KCTD8: variants seen among roughly 807,000 people sequenced by gnomAD.
The protein encoded by KCTD8 is potassium channel tetramerization domain containing 8, also known as BTB/POZ domain-containing protein KCTD8.
In KCTD8, 27 loss-of-function variants were observed where a neutral mutation model predicts 31.5. The ratio of observed to expected loss-of-function variants is 0.86; its 90% CI spans 0.63 to 1.18. The LOEUF is 1.18. Among genes scored for constraint, KCTD8 ranks in the 50% most tolerant of loss-of-function variants. The probability of loss-of-function intolerance (pLI) is 0.00; values close to 1 mark genes in which losing one functional copy is unlikely to be tolerated. For missense variants in KCTD8, 658 were observed against 647.7 expected (o/e 1.02, Z -0.17); for synonymous variants, 290 against 280.0 (o/e 1.04, Z -0.36).
chr4:44,413,439 T>C (rs571345569), intron 1 of KCTD8, among the ~76,000 whole-genome samples: 2 of 152,260 alleles, frequency 1.3e-5, no homozygotes, highest in East Asian at 3.9e-4. Context: ...ATGGCCTACA[T>C]CCCTGTTATC....
intron 1 of KCTD8, among the ~76,000 whole-genome samples, chr4:44,319,232 G>A (rs1272002035): frequency 6.6e-6 from 1 of 152,154 alleles, no homozygotes; most frequent in Non-Finnish European, 1.5e-5. Flanking sequence ...AGGTATCATT[G>A]TTTTGTAGTG....
chr4:44,202,890 G>C (rs923547968), intron 1 of KCTD8, among the ~76,000 whole-genome samples: 18 of 152,172 alleles, frequency 1.2e-4, no homozygotes, highest in Admixed American at 1.2e-3. Context: ...TCTTTAGTTA[G>C]AGCAGTATTA....
At chr4:44,203,444 C>A (rs1304679622) in intron 1 of KCTD8, among the ~76,000 whole-genome samples, 1 of 146,312 alleles carries the variant, frequency 6.8e-6, no homozygotes, top group Non-Finnish European at 1.5e-5. Flanking sequence ...AAGCCAAGAT[C>A]GTGCCATTGT....
rs955489221 is a variant in KCTD8 at position 44,447,730 on chromosome 4, T to A, written c.794A>T (p.Tyr265Phe). The change falls in exon 1 of 2, where the codon TAC becomes TTC. Residue 265 changes from tyrosine (Y) to phenylalanine (F), a missense_variant. Physicochemically the swap from Tyr to Phe is conservative, Grantham distance 22 (BLOSUM62 3). Coordinates refer to ENST00000360029, the MANE Select transcript of KCTD8 (RefSeq NM_198353.3). ...SRDPDRQPEKYTSRFYLKFTY... is the reference protein window; with the variant it reads ...SRDPDRQPEKFTSRFYLKFTY... ...GAACTTGAGGTAGAAGCGGGACGTG[T>A]ACTTCTCCGGCTGCCGGTCGGGGTC... 65 of 1,612,466 alleles carry A rather than the reference T, an allele frequency of 4.0e-5. No homozygotes were observed. Among genetic ancestry groups the A allele is most frequent in the Non-Finnish European group, 5.5e-5 (65 of 1,179,494 alleles).
At chr4:44,232,062 A>G (rs991258750) in intron 1 of KCTD8, among the ~76,000 whole-genome samples, 1 of 152,192 alleles carries the variant, frequency 6.6e-6, no homozygotes, top group African/African-American at 2.4e-5. Flanking sequence ...GGGATGTTTG[A>G]TAATATGCAA....
intron 1 of KCTD8, among the ~76,000 whole-genome samples, chr4:44,197,192 GC>G (rs1412626636): frequency 6.6e-6 from 1 of 152,080 alleles, no homozygotes; most frequent in Admixed American, 6.6e-5. Flanking sequence ...AGGAGAGAAG[GC>G]CCCACTCTCA....
chr4:44,227,214 G>T (rs1460242990), intron 1 of KCTD8, among the ~76,000 whole-genome samples: 1 of 152,136 alleles, frequency 6.6e-6, no homozygotes, highest in Non-Finnish European at 1.5e-5. Context: ...GTTAATTTTT[G>T]TATAAGGTAT....
chr4:44,309,291 G>A (rs1030226497), intron 1 of KCTD8, among the ~76,000 whole-genome samples: 3 of 151,670 alleles, frequency 2.0e-5, no homozygotes, highest in South Asian at 2.1e-4. Flanking sequence ...TGCCCACCTC[G>A]GCCTCTCAAA....
chr4:44,311,687 G>A (rs1164529855), intron 1 of KCTD8, among the ~76,000 whole-genome samples: 5 of 151,912 alleles, frequency 3.3e-5, no homozygotes, highest in Non-Finnish European at 2.9e-5. Context: ...AATAACAAAT[G>A]GTCTTTATAG....
intron 1 of KCTD8, among the ~76,000 whole-genome samples, chr4:44,291,901 GA>G (rs1475014578): frequency 1.5e-5 from 2 of 131,680 alleles, no homozygotes; most frequent in Admixed American, 9.1e-5. Context: ...GATCATCAGA[GA>G]AATGCAAATG....
chr4:44,427,717 A>C (rs1200984787), intron 1 of KCTD8, among the ~76,000 whole-genome samples: 2 of 151,804 alleles, frequency 1.3e-5, no homozygotes, highest in Non-Finnish European at 2.9e-5. Flanking sequence ...AATGAAACAA[A>C]GTAGAGAGAC....
At chr4:44,360,066 T>G (rs558528478) in intron 1 of KCTD8, among the ~76,000 whole-genome samples, 35 of 152,114 alleles carry the variant, frequency 2.3e-4, no homozygotes, top group South Asian at 2.3e-3. Flanking sequence ...CTAGGAATGA[T>G]TCAGTAAATT....
At chr4:44,403,325 T>C (rs1720709458) in intron 1 of KCTD8, among the ~76,000 whole-genome samples, 1 of 151,952 alleles carries the variant, frequency 6.6e-6, no homozygotes, top group African/African-American at 2.4e-5. Flanking sequence ...TCAATCATAC[T>C]AGAGGAATGG....
At chr4:44,408,188 T>C (rs1331121068) in intron 1 of KCTD8, among the ~76,000 whole-genome samples, 4 of 152,188 alleles carry the variant, frequency 2.6e-5, no homozygotes, top group Non-Finnish European at 4.4e-5. Flanking sequence ...TACTGCCTAA[T>C]TCTATACCCA....
intron 1 of KCTD8, among the ~76,000 whole-genome samples, chr4:44,373,081 G>T (rs1458225546): frequency 6.6e-6 from 1 of 151,982 alleles, no homozygotes; most frequent in Admixed American, 6.6e-5. Flanking sequence ...AAGGTCAATA[G>T]AGGCCGGGCG....
intron 1 of KCTD8, among the ~76,000 whole-genome samples, chr4:44,205,705 T>C (rs1714284508): frequency 6.6e-6 from 1 of 152,250 alleles, no homozygotes; most frequent in African/African-American, 2.4e-5. Flanking sequence ...TAATGTATTC[T>C]AACCCAACTG....
chr4:44,188,765 T>G (rs915789033), intron 1 of KCTD8, among the ~76,000 whole-genome samples: 17 of 152,132 alleles, frequency 1.1e-4, no homozygotes, highest in African/African-American at 4.1e-4. Context: ...AATCAGAGGT[T>G]GGAGTGATGC....
chr4:44,191,543 A>G (rs1378353709), intron 1 of KCTD8, among the ~76,000 whole-genome samples: 3 of 152,176 alleles, frequency 2.0e-5, no homozygotes, highest in Non-Finnish European at 4.4e-5. Flanking sequence ...TTAAATATTA[A>G]GACCCTAGGA....
chr4:44,289,356 G>GT (rs1717201432), intron 1 of KCTD8, among the ~76,000 whole-genome samples: 1 of 151,924 alleles, frequency 6.6e-6, no homozygotes, highest in Non-Finnish European at 1.5e-5. Context: ...ATATAAAGTG[G>GT]TATAAATACA....
Sources: allele counts gnomAD v4.1 joint callset (sites outside exome capture counted in the v4.1 genomes callset), GRCh38; gene constraint gnomAD v4.1.1; transcripts MANE v1.5; gene names NCBI Gene and HGNC (gene_info 2026-07-23, HGNC 2026-07-21).